Variants in PPP1R42 observed in about 807,000 individuals in gnomAD.
The protein encoded by PPP1R42 is leucine rich repeat containing 67.
Under a neutral mutation model 31.0 loss-of-function variants are expected in PPP1R42, and 34 were observed. The observed-to-expected ratio is 1.10, with a 90% CI of 0.83 to 1.46. PPP1R42 has a LOEUF of 1.46. Among genes scored for constraint, PPP1R42 ranks in the 40% most tolerant of loss-of-function variants. The pLI, the probability that PPP1R42 is intolerant of heterozygous loss-of-function variation, is 0.00. For synonymous variants in PPP1R42, 103 were observed against 109.8 expected, an observed-to-expected ratio of 0.94 and a Z score of 0.39; for missense variants, 268 against 303.0, an observed-to-expected ratio of 0.88 and a Z score of 0.86.
intron 5 of PPP1R42, among the ~76,000 whole-genome samples, chr8:67,006,988 C>A (rs1167992727): frequency 6.6e-6 from 1 of 151,772 alleles, no homozygotes; most frequent in African/African-American, 2.4e-5. Context: ...TGTGATCCAC[C>A]CGCCTCGGCC....
chr8:66,973,506 A>C (rs1170171287), intron 7 of PPP1R42, among the ~76,000 whole-genome samples: 1 of 152,084 alleles, frequency 6.6e-6, no homozygotes, highest in African/African-American at 2.4e-5. Flanking sequence ...GGGTTTCGCC[A>C]TATTGGCCAG....
chr8:66,985,837 T>A, intron 6 of PPP1R42: 1 of 1,221,268 alleles, frequency 8.2e-7, no homozygotes, highest in Non-Finnish European at 1.2e-6. Flanking sequence ...AGGACTCTGA[T>A]GGAGGCCCAG....
Position 67,023,393 on chromosome 8 carries a change from A to G in PPP1R42, c.-85+5098T>C, listed in dbSNP as rs373733330. Among the ~76,000 whole-genome samples, 3 of 152,178 alleles carry G rather than the reference A, an allele frequency of 2.0e-5. No homozygotes were observed. The South Asian group carries it at 6.2e-4, about 32-fold the overall frequency. On this transcript the variant is annotated intron_variant, in intron 1 of 7. Coordinates refer to ENST00000685739, the MANE Select transcript of PPP1R42 (RefSeq NM_001364910.1). ...CCAAACCGTTGGGATTGCAGGCATG[A>G]GCCACCATGCCCAGCTCGAGTTTTT...
intron 1 of PPP1R42, among the ~76,000 whole-genome samples, chr8:67,021,685 C>G (rs923252486): frequency 6.6e-6 from 1 of 152,090 alleles, no homozygotes; most frequent in Non-Finnish European, 1.5e-5. Flanking sequence ...TCTTCATTCT[C>G]TTAAATTTAG....
At chr8:66,974,460 A>G (rs911458353) in intron 7 of PPP1R42, among the ~76,000 whole-genome samples, 1 of 152,148 alleles carries the variant, frequency 6.6e-6, no homozygotes, top group African/African-American at 2.4e-5. Context: ...AGGCTGAGGC[A>G]GGAGAATTGC....
chr8:66,994,106 G>C (rs1170835783), intron 5 of PPP1R42, among the ~76,000 whole-genome samples: 2 of 152,188 alleles, frequency 1.3e-5, no homozygotes, highest in East Asian at 3.8e-4. Context: ...CAGAGATGAA[G>C]GCAGAGTTAG....
At chr8:66,977,491 C>A (rs1383720873) in intron 7 of PPP1R42, among the ~76,000 whole-genome samples, 1 of 151,970 alleles carries the variant, frequency 6.6e-6, no homozygotes, top group African/African-American at 2.4e-5. Context: ...GTGTGTACTA[C>A]CACACTGAGC....
At chr8:66,975,225 C>CAT (rs770638380) in intron 7 of PPP1R42, among the ~76,000 whole-genome samples, 2 of 152,200 alleles carry the variant, frequency 1.3e-5, no homozygotes, top group African/African-American at 2.4e-5. Flanking sequence ...TCGTTTTCAG[C>CAT]ATATGTCTTT....
intron 7 of PPP1R42, chr8:66,971,107 A>G: frequency 1.3e-6 from 2 of 1,532,918 alleles, no homozygotes; most frequent in Non-Finnish European, 1.7e-6. Context: ...TGGGTAATAA[A>G]CAGGAACTAT....
rs939508333 is a variant in PPP1R42, at chr8:66,964,624, C to T, written c.803-290G>A. Among the ~76,000 whole-genome samples the T allele has an allele frequency of 6.6e-5, 10 of 152,172 alleles. 1 individual carries two copies. Among genetic ancestry groups the T allele is most frequent in the Middle Eastern group, 3.4e-3 (1 of 294 alleles). ...GGCAAATTTGAGGTGTCTGGGGCTTCTTATATTTTGCACCCAGATTGTCCT... is the reference window on the plus strand; with the variant it reads ...GGCAAATTTGAGGTGTCTGGGGCTTTTTATATTTTGCACCCAGATTGTCCT... On this transcript the variant is annotated intron_variant, in intron 7 of 7. Transcript: ENST00000685739.
At position 67,017,780 on chromosome 8, in the gene PPP1R42, C is replaced by T; in HGVS notation, c.-33G>A. Reference sequence around the variant, plus strand: ...TTATAAATCAAACTCTCAGCAAAAGCTCTGTTTTGACACCATGTCAAGAAG... The same window carrying T: ...TTATAAATCAAACTCTCAGCAAAAGTTCTGTTTTGACACCATGTCAAGAAG... On this transcript the variant is annotated 5_prime_UTR_variant, in exon 2 of 8. Coordinates refer to ENST00000685739, the MANE Select transcript of PPP1R42 (RefSeq NM_001364910.1). The T allele has an allele frequency of 6.5e-7, 1 of 1,532,244 alleles. No individual in the cohort carries two copies. Among genetic ancestry groups the T allele is most frequent in the Non-Finnish European group, 8.8e-7 (1 of 1,138,076 alleles). 94.9% of individuals were successfully genotyped at this position (1,532,244 alleles called of 1,614,324 possible).
At chr8:67,015,671 G>A (rs956936875) in intron 2 of PPP1R42, among the ~76,000 whole-genome samples, 5 of 150,432 alleles carry the variant, frequency 3.3e-5, no homozygotes, top group African/African-American at 1.2e-4. Flanking sequence ...TGATCCTAGC[G>A]CCCTAGCCTC....
chr8:67,017,621 T>C lies in PPP1R42; in HGVS notation c.127A>G (p.Ile43Val). The C allele has an allele frequency of 6.9e-7, 1 of 1,454,354 alleles. No homozygotes were observed. Among genetic ancestry groups the C allele is most frequent in the Non-Finnish European group, 9.2e-7 (1 of 1,082,834 alleles). The allele number at this position is 1,454,354 out of a possible 1,614,324, so 90.1% of individuals were successfully genotyped here. Residue 43 changes from isoleucine (I) to valine (V), a missense_variant and splice_region_variant, in exon 2 of 8, where the codon ATT becomes GTT. Physicochemically the swap from Ile to Val is conservative, Grantham distance 29. Coordinates refer to ENST00000685739, the MANE Select transcript of PPP1R42 (RefSeq NM_001364910.1). ...GGAAATAATTTCAAAGTTCTTACAA[T>C]TGCATCTATATTTTTGTCTGAAAAA... is the stretch of plus-strand genomic sequence containing the variant. Reference protein sequence around the residue: ...INFSDKNIDAIEDLSLCKNLS... With the variant: ...INFSDKNIDAVEDLSLCKNLS...
chr8:66,991,644 A>T (rs144411673), intron 5 of PPP1R42, among the ~76,000 whole-genome samples: 1 of 152,052 alleles, frequency 6.6e-6, no homozygotes, highest in Non-Finnish European at 1.5e-5. Flanking sequence ...CATTTTTCTC[A>T]ACAAAGGAAG....
At chr8:66,996,164 C>T (rs1304550320) in intron 5 of PPP1R42, among the ~76,000 whole-genome samples, 1 of 152,198 alleles carries the variant, frequency 6.6e-6, no homozygotes, top group Non-Finnish European at 1.5e-5. Flanking sequence ...GATCCTTCCA[C>T]CAAAGCCTCC....
rs1253162375 is a variant in PPP1R42, at chr8:66,984,926, C to G, written c.671-2746G>C. ...TTGGTAAGATACACTCCCAAAGTAA[C>G]TGGTGTGTCATTGTCAACTGGAGCA... is the stretch of plus-strand genomic sequence containing the variant. On this transcript the variant is annotated intron_variant, in intron 6 of 7. Coordinates refer to ENST00000685739, the MANE Select transcript of PPP1R42 (RefSeq NM_001364910.1). The G allele has an allele frequency of 7.9e-6, 12 of 1,524,900 alleles. No homozygotes were observed. The Admixed American group carries it at 2.0e-4, about 26-fold the overall frequency. 94.5% of individuals were successfully genotyped at this position (1,524,900 alleles called of 1,614,324 possible).
chr8:66,987,024 C>T (rs758337593), intron 6 of PPP1R42, among the ~76,000 whole-genome samples: 3 of 152,114 alleles, frequency 2.0e-5, no homozygotes, highest in Non-Finnish European at 4.4e-5. Flanking sequence ...CTTTGATGCT[C>T]AGTTTTTCCA....
intron 7 of PPP1R42, among the ~76,000 whole-genome samples, chr8:66,969,095 A>G (rs1284938838): frequency 2.0e-5 from 3 of 152,148 alleles, no homozygotes; most frequent in Non-Finnish European, 4.4e-5. Context: ...ATGAGGGTAG[A>G]GTGATTTATT....
At chr8:67,021,794 G>A (rs190640568) in intron 1 of PPP1R42, among the ~76,000 whole-genome samples, 2 of 152,042 alleles carry the variant, frequency 1.3e-5, no homozygotes, top group East Asian at 3.9e-4. Context: ...AATTTTACAT[G>A]TTATCAATGA....
Sources: allele counts gnomAD v4.1 joint callset (sites outside exome capture counted in the v4.1 genomes callset), GRCh38; gene constraint gnomAD v4.1.1; transcripts MANE v1.5; gene names NCBI Gene and HGNC (gene_info 2026-07-23, HGNC 2026-07-21).